Variants in SV2C observed in about 807,000 individuals in gnomAD.
SV2C encodes the protein solute carrier family 22 member B3.
SV2C carries 49 observed loss-of-function variants against 79.7 expected under a neutral mutation model. The ratio of observed to expected loss-of-function variants is 0.61; its 90% confidence interval spans 0.49 to 0.78. The LOEUF (loss-of-function observed/expected upper bound fraction) is 0.78, where lower values mean the gene tolerates loss of function less well. Ranked by LOEUF, SV2C falls within the 30% of genes least tolerant of loss-of-function variation. The pLI is 0.00. For synonymous variants in SV2C, 334 were observed against 333.2 expected, an observed-to-expected ratio of 1.00 and a Z score of -0.03; for missense variants, 833 against 912.9, an observed-to-expected ratio of 0.91 and a Z score of 1.13.
At chr5:76,069,206 C>T in the SV2C span, among the ~76,000 whole-genome samples, 1 of 152,142 alleles carries the variant, frequency 6.6e-6, no homozygotes, top group African/African-American at 2.4e-5. Flanking sequence ...TGCAGATTCT[C>T]TATATCAACA....
intron 1 of SV2C, among the ~76,000 whole-genome samples, chr5:76,089,248 A>G (rs2112092827): frequency 6.6e-6 from 1 of 152,236 alleles, no homozygotes; most frequent in East Asian, 1.9e-4. Context: ...CTCATTGTTC[A>G]GCTCCGACTT....
At chr5:75,969,498 A>T in the SV2C span, among the ~76,000 whole-genome samples, 2 of 152,228 alleles carry the variant, frequency 1.3e-5, no homozygotes, top group African/African-American at 2.4e-5. Flanking sequence ...GAAAATGGAA[A>T]ACAAAAAAAG....
chr5:75,891,914 T>C, the SV2C span, among the ~76,000 whole-genome samples: 20 of 152,182 alleles, frequency 1.3e-4, no homozygotes, highest in Non-Finnish European at 2.5e-4. Flanking sequence ...TAGAGGGGCC[T>C]GCAATGGTCC....
At chr5:76,299,872 A>G (rs1747921112) in intron 10 of SV2C, among the ~76,000 whole-genome samples, 1 of 152,044 alleles carries the variant, frequency 6.6e-6, no homozygotes, top group South Asian at 2.1e-4. Flanking sequence ...ACCATCTGCA[A>G]CTCTTCTTGG....
At chr5:75,935,432 A>C in the SV2C span, among the ~76,000 whole-genome samples, 1 of 152,320 alleles carries the variant, frequency 6.6e-6, no homozygotes, top group Non-Finnish European at 1.5e-5. Flanking sequence ...CATTTCTAGG[A>C]GTCTACCTTC....
At chr5:76,314,469 A>AGG (rs11390567) in intron 12 of SV2C, among the ~76,000 whole-genome samples, 1 of 152,108 alleles carries the variant, frequency 6.6e-6, no homozygotes, top group African/African-American at 2.4e-5. Flanking sequence ...GCACTGATCT[A>AGG]GGGGTCACTG....
chr5:76,291,972 A>C (rs377108905), intron 8 of SV2C, 116 bp downstream of exon 8: 1 of 690,112 alleles, frequency 1.4e-6, no homozygotes. Flanking sequence ...CTAAGGAAGA[A>C]ATTTTTTTCA....
chr5:75,904,662 T>C, the SV2C span, among the ~76,000 whole-genome samples: 3 of 152,114 alleles, frequency 2.0e-5, no homozygotes, highest in African/African-American at 7.2e-5. Context: ...CCTCCCAAGC[T>C]TACACCATAA....
At chr5:76,239,278 A>G (rs915573089) in intron 4 of SV2C, among the ~76,000 whole-genome samples, 1 of 152,196 alleles carries the variant, frequency 6.6e-6, no homozygotes. Context: ...TGACAGAATG[A>G]TATTTAGTCT....
At chr5:75,916,079 G>A in the SV2C span, among the ~76,000 whole-genome samples, 51 of 152,262 alleles carry the variant, frequency 3.3e-4, 1 homozygote, top group South Asian at 1.0e-2. Flanking sequence ...AAGGTCTGTG[G>A]TATTATATGA....
the SV2C span, among the ~76,000 whole-genome samples, chr5:75,978,575 G>A: frequency 6.6e-6 from 1 of 152,064 alleles, no homozygotes; most frequent in African/African-American, 2.4e-5. Context: ...TAATGAAGTA[G>A]TTGCTCTTAT....
At chr5:76,270,170 T>C (rs576488194) in intron 4 of SV2C, among the ~76,000 whole-genome samples, 14 of 152,382 alleles carry the variant, frequency 9.2e-5, no homozygotes, top group African/African-American at 3.1e-4. Context: ...TTTGGGCTTC[T>C]TTTAATCTCT....
At chr5:76,343,644 A>G (rs1459501306) in intron 12 of SV2C, among the ~76,000 whole-genome samples, 3 of 152,332 alleles carry the variant, frequency 2.0e-5, no homozygotes, top group Admixed American at 2.0e-4. Context: ...CATTAGAAAC[A>G]TGTTTGGAAA....
the SV2C span, among the ~76,000 whole-genome samples, chr5:75,883,083 T>C: frequency 3.5e-5 from 5 of 144,438 alleles, no homozygotes; most frequent in African/African-American, 5.3e-5. Flanking sequence ...AAAAAACACA[T>C]GAAAAAATGC....
chr5:76,314,436 C>T (rs1036247354), intron 12 of SV2C, among the ~76,000 whole-genome samples: 4 of 152,042 alleles, frequency 2.6e-5, no homozygotes, highest in African/African-American at 9.7e-5. Flanking sequence ...TCTCCCTCTA[C>T]TTCATCAACA....
chr5:76,131,514 CAAAA>C (rs35999597), intron 1 of SV2C, 132 bp from the exon 2 acceptor site: 591 of 156,432 alleles, frequency 3.8e-3, no homozygotes, highest in Middle Eastern at 5.5e-3. Flanking sequence ...ACAGTGAGAT[CAAAA>C]AAAAAAAAAA....
chr5:76,307,853 C>T (rs563630804), intron 12 of SV2C, among the ~76,000 whole-genome samples: 33 of 152,164 alleles, frequency 2.2e-4, no homozygotes, highest in Middle Eastern at 3.4e-3. Context: ...TTTAGTTCTT[C>T]TTTATTTCTT....
chr5:75,863,289 A>C, the SV2C span, among the ~76,000 whole-genome samples: 30,319 of 152,052 alleles, frequency 0.2, 3,849 homozygotes, highest in African/African-American at 0.36. Flanking sequence ...CAAAGAACTT[A>C]TCCATGTAAC....
intron 2 of SV2C, among the ~76,000 whole-genome samples, chr5:76,172,101 C>T (rs1229777103): frequency 5.2e-5 from 2 of 38,786 alleles, no homozygotes; most frequent in Non-Finnish European, 8.6e-5. Context: ...CCGCCCTGTC[C>T]GGGAGGGAGG....
Sources: allele counts gnomAD v4.1 joint callset (sites outside exome capture counted in the v4.1 genomes callset), GRCh38; gene constraint gnomAD v4.1.1; transcripts MANE v1.5; gene names NCBI Gene and HGNC (gene_info 2026-07-23, HGNC 2026-07-21).